Variants in ZNF728 observed in about 807,000 individuals in gnomAD.
ZNF728 encodes the protein zinc finger protein 728.
ZNF728 carries 12 observed loss-of-function variants against 12.5 expected under a neutral mutation model. The observed-to-expected ratio is 0.96, with a 90% CI of 0.61 to 1.55. The LOEUF is 1.55. Ranked by LOEUF, ZNF728 falls within the 40% of genes most tolerant of loss-of-function variation. ZNF728 has a pLI of 0.00. For synonymous variants in ZNF728, 205 were observed against 240.7 expected (o/e 0.85, Z 1.37); for missense variants, 692 against 719.2 (o/e 0.96, Z 0.43).
In ZNF728 at chr19:22,994,415, C is replaced by T. The variant is rs79279620; in HGVS notation, c.4-5964G>A. On this transcript the variant is annotated intron_variant, in intron 1 of 3. Transcript: ENST00000594710. ...TAATTAAAAGCAAAATTTTCTTCAG[C>T]CCCAGAGGAACTGCACAGTAACAGA... Among the ~76,000 whole-genome samples, 515 of 152,272 alleles carry T rather than the reference C, an allele frequency of 3.4e-3. 1 individual carries two copies. The highest frequency in any genetic ancestry group is 5.5e-3 in the Non-Finnish European group (374 of 68,028).
rs1968816741 is a variant in ZNF728 at position 22,977,227 on chromosome 19, G to A, written c.227-117C>T. On this transcript the variant is annotated intron_variant, in intron 3 of 3. Transcript: ENST00000594710. ...AAGATGACACTGCAGTATGACACAG[G>A]CCCTAATTCTTCACAGACATATAAA... is the stretch of plus-strand genomic sequence containing the variant. 6.3e-6 allele frequency: 6 copies of A among 950,748 alleles called. No individual in the cohort carries two copies. The East Asian group carries it at 1.6e-4, about 26-fold the overall frequency. The allele number at this position is 950,748 out of a possible 1,614,324, so 58.9% of individuals were successfully genotyped here. A position where few individuals can be genotyped will look rare whatever the true frequency, so the allele number is the denominator to read the frequency against.
intron 3 of ZNF728, among the ~76,000 whole-genome samples, chr19:22,979,226 T>TCAATAGC (rs1313318984): frequency 1.3e-5 from 2 of 151,910 alleles, no homozygotes; most frequent in Non-Finnish European, 2.9e-5. Flanking sequence ...TGCAAAAGTA[T>TCAATAGC]CAATAGCTGA....
intron 3 of ZNF728, among the ~76,000 whole-genome samples, chr19:22,981,852 A>G (rs1968864239): frequency 6.6e-6 from 1 of 152,154 alleles, no homozygotes; most frequent in Admixed American, 6.6e-5. Flanking sequence ...AAAACTCTCA[A>G]TAAACTAGGT....
At chr19:22,978,475 C>T (rs1968828762) in intron 3 of ZNF728, among the ~76,000 whole-genome samples, 1 of 152,126 alleles carries the variant, frequency 6.6e-6, no homozygotes, top group Non-Finnish European at 1.5e-5. Flanking sequence ...AATAACGTAA[C>T]ATAAAAAAAC....
At chr19:22,979,479 G>A (rs964481598) in intron 3 of ZNF728, among the ~76,000 whole-genome samples, 5 of 152,114 alleles carry the variant, frequency 3.3e-5, no homozygotes, top group African/African-American at 1.2e-4. Context: ...AACCTAGCAA[G>A]ACAGGCCAAC....
At chr19:23,002,265 A>G (rs1442579707) in intron 1 of ZNF728, among the ~76,000 whole-genome samples, 1 of 152,274 alleles carries the variant, frequency 6.6e-6, no homozygotes. Flanking sequence ...CAGTGAGCCC[A>G]GACGGCGCCA....
At chr19:22,981,421 T>C (rs1268652865) in intron 3 of ZNF728, among the ~76,000 whole-genome samples, 6 of 152,204 alleles carry the variant, frequency 3.9e-5, no homozygotes, top group Non-Finnish European at 8.8e-5. Flanking sequence ...CAGGACCTGA[T>C]GGATTCACAG....
chr19:22,997,565 CA>C (rs1969062033), intron 1 of ZNF728, among the ~76,000 whole-genome samples: 1 of 151,978 alleles, frequency 6.6e-6, no homozygotes. Flanking sequence ...AGTTAGATCT[CA>C]GTTTAACAAC....
intron 1 of ZNF728, among the ~76,000 whole-genome samples, chr19:22,990,450 C>T (rs1298936504): frequency 1.3e-5 from 2 of 152,032 alleles, no homozygotes; most frequent in Admixed American, 6.6e-5. Flanking sequence ...CAATTCTGTC[C>T]TTTATAGCAG....
intron 3 of ZNF728, among the ~76,000 whole-genome samples, chr19:22,979,706 T>C (rs1968841758): frequency 6.6e-6 from 1 of 152,178 alleles, no homozygotes; most frequent in South Asian, 2.1e-4. Context: ...GGAGCCAATA[T>C]TCAACATTCT....
At chr19:22,980,996 C>T (rs1205608355) in intron 3 of ZNF728, among the ~76,000 whole-genome samples, 1 of 151,604 alleles carries the variant, frequency 6.6e-6, no homozygotes, top group African/African-American at 2.4e-5. Flanking sequence ...AATTCAAACC[C>T]TAGCAGAAGA....
At chr19:22,990,172 G>C (rs754532683) in intron 1 of ZNF728, among the ~76,000 whole-genome samples, 1 of 151,986 alleles carries the variant, frequency 6.6e-6, no homozygotes, top group Non-Finnish European at 1.5e-5. Flanking sequence ...AACACAAGTA[G>C]AGAAGTACAG....
In ZNF728 at chr19:22,975,612, C is replaced by T. The variant is rs1356547800; in HGVS notation, c.1725G>A (p.Trp575Ter). 1 of 1,610,244 alleles carries T rather than the reference C, an allele frequency of 6.2e-7. No individual in the cohort carries two copies. Among genetic ancestry groups the T allele is most frequent in the South Asian group, 1.1e-5 (1 of 90,964 alleles). The stretch of plus-strand genomic sequence containing the variant: ...TCTTATGTTTGTTAAGGACTGAGAC[C>T]CAGCTAAAGGCTTTGCCACATTCTT... ...KCEECGKAFSWVSVLNKHKKI... is the reference protein window; with the variant it reads ...KCEECGKAFS Residue 575 changes from tryptophan to a stop codon, truncating the protein, a stop_gained, in exon 4 of 4, where the codon TGG becomes TGA. Transcript: ENST00000594710. LOFTEE classifies it low-confidence loss of function (END_TRUNC).
At chr19:22,979,434 A>G (rs1207970497) in intron 3 of ZNF728, among the ~76,000 whole-genome samples, 2 of 152,188 alleles carry the variant, frequency 1.3e-5, no homozygotes, top group African/African-American at 4.8e-5. Context: ...AAGTTGGAAA[A>G]CACTCTTCAG....
chr19:22,984,957 T>C (rs745872432), intron 3 of ZNF728, among the ~76,000 whole-genome samples: 1 of 152,098 alleles, frequency 6.6e-6, no homozygotes, highest in Non-Finnish European at 1.5e-5. Flanking sequence ...TGAAATAGAA[T>C]GCAACACATA....
chr19:22,982,330 G>C (rs535123852), intron 3 of ZNF728, among the ~76,000 whole-genome samples: 2 of 152,254 alleles, frequency 1.3e-5, no homozygotes, highest in South Asian at 4.1e-4. Context: ...ACCTCTTCAA[G>C]GAGAACTACA....
chr19:22,989,026 G>T, intron 1 of ZNF728, among the ~76,000 whole-genome samples: 1 of 139,644 alleles, frequency 7.2e-6, no homozygotes, highest in East Asian at 2.0e-4. Context: ...CCTCCAGCCT[G>T]GGCAACAAGA....
At chr19:22,980,087 C>T (rs1262543243) in intron 3 of ZNF728, among the ~76,000 whole-genome samples, 1 of 150,646 alleles carries the variant, frequency 6.6e-6, no homozygotes, top group Non-Finnish European at 1.5e-5. Context: ...AGTCAAGATC[C>T]ATCTAAGTGC....
At position 22,999,242 on chromosome 19, in the gene ZNF728, G is replaced by C. The variant is rs191519530; in HGVS notation, c.3+3786C>G. ...CTTATAGTTGGTACTTCCTCCTGTT[G>C]CAATACTCCTTTGGAATTCTTTTTT... On this transcript the variant is annotated intron_variant, in intron 1 of 3. Coordinates refer to ENST00000594710, the MANE Select transcript of ZNF728 (RefSeq NM_001267716.2). Among the ~76,000 whole-genome samples, 61 of 151,360 alleles carry C rather than the reference G, an allele frequency of 4.0e-4. 2 individuals carry two copies. In the East Asian group the frequency reaches 0.01, roughly 25 times the overall value.
Sources: allele counts gnomAD v4.1 joint callset (sites outside exome capture counted in the v4.1 genomes callset), GRCh38; gene constraint gnomAD v4.1.1; transcripts MANE v1.5; gene names NCBI Gene and HGNC (gene_info 2026-07-23, HGNC 2026-07-21).